Variants in THSD7B observed in about 807,000 individuals in gnomAD.
THSD7B encodes the protein thrombospondin type-1 domain-containing protein 7B.
In THSD7B, 138 loss-of-function variants were observed where a neutral mutation model predicts 213.6. That is an observed-to-expected ratio of 0.65 (90% confidence interval 0.56 to 0.74). The LOEUF (loss-of-function observed/expected upper bound fraction) is 0.74. Ranked by LOEUF, THSD7B falls within the 30% of genes least tolerant of loss-of-function variation. THSD7B has a pLI of 0.00. For missense variants in THSD7B, 1,931 were observed against 1,991.5 expected, an observed-to-expected ratio of 0.97 and a Z score of 0.58; for synonymous variants, 742 against 687.0, an observed-to-expected ratio of 1.08 and a Z score of -1.25.
intron 17 of THSD7B, among the ~76,000 whole-genome samples, chr2:137,583,435 T>A (rs370784817): frequency 6.6e-6 from 1 of 152,218 alleles, no homozygotes; most frequent in Non-Finnish European, 1.5e-5. Flanking sequence ...CTGAATGGTA[T>A]TGCCTAGGTT....
At chr2:137,139,330 A>G (rs1679534032) in intron 5 of THSD7B, among the ~76,000 whole-genome samples, 1 of 152,170 alleles carries the variant, frequency 6.6e-6, no homozygotes, top group Admixed American at 6.6e-5. Context: ...GAAATTCCTC[A>G]GCTAATAGAT....
At chr2:136,928,692 T>C (rs1321879100) in intron 2 of THSD7B, among the ~76,000 whole-genome samples, 1 of 152,236 alleles carries the variant, frequency 6.6e-6, no homozygotes, top group Non-Finnish European at 1.5e-5. Context: ...CATCTTATTT[T>C]AATTTGAGGA....
chr2:136,910,139 G>A (rs1573704938), intron 2 of THSD7B, among the ~76,000 whole-genome samples: 1 of 152,242 alleles, frequency 6.6e-6, no homozygotes, highest in East Asian at 1.9e-4. Context: ...CTCAGTCTAT[G>A]GAGTAACTCT....
At chr2:137,359,401 A>G (rs1685203973) in intron 12 of THSD7B, among the ~76,000 whole-genome samples, 1 of 152,218 alleles carries the variant, frequency 6.6e-6, no homozygotes. Flanking sequence ...TAAACTAGGC[A>G]CAAAAGAGTC....
At chr2:137,248,287 A>T (rs1209685999) in intron 10 of THSD7B, among the ~76,000 whole-genome samples, 1 of 152,070 alleles carries the variant, frequency 6.6e-6, no homozygotes, top group East Asian at 1.9e-4. Flanking sequence ...GTATTATGGC[A>T]CCTGTTTCTA....
intron 12 of THSD7B, among the ~76,000 whole-genome samples, chr2:137,365,545 G>GA (rs1335015606): frequency 1.3e-5 from 2 of 151,776 alleles, no homozygotes; most frequent in East Asian, 1.9e-4. Context: ...AAATTTACAA[G>GA]AAAAAATCAA....
chr2:136,889,704 T>G (rs1014427214), intron 2 of THSD7B, among the ~76,000 whole-genome samples: 5 of 152,192 alleles, frequency 3.3e-5, no homozygotes, highest in Admixed American at 3.3e-4. Context: ...ATTAATTTAT[T>G]CAAAGATTCA....
At chr2:137,092,412 C>CA (rs34289279) in intron 3 of THSD7B, among the ~76,000 whole-genome samples, 2 of 151,260 alleles carry the variant, frequency 1.3e-5, no homozygotes, top group African/African-American at 4.9e-5. Context: ...GATCCTGTCT[C>CA]AAAAAAATAA....
intron 14 of THSD7B, among the ~76,000 whole-genome samples, chr2:137,416,875 T>C (rs1686811831): frequency 6.6e-6 from 1 of 152,236 alleles, no homozygotes; most frequent in Admixed American, 6.5e-5. Context: ...GCAATGTTTT[T>C]GAAACAATGG....
intron 2 of THSD7B, among the ~76,000 whole-genome samples, chr2:136,907,602 G>C (rs1684186502): frequency 6.6e-6 from 1 of 152,112 alleles, no homozygotes; most frequent in Non-Finnish European, 1.5e-5. Flanking sequence ...CAATTAAACT[G>C]TTATTATGTT....
At chr2:137,614,672 T>C (rs1183642591) in intron 17 of THSD7B, among the ~76,000 whole-genome samples, 1 of 152,198 alleles carries the variant, frequency 6.6e-6, no homozygotes, top group Non-Finnish European at 1.5e-5. Flanking sequence ...ATTGCTTGGT[T>C]TCATGGGCCC....
chr2:136,947,934 G>T (rs1684971845), intron 2 of THSD7B, among the ~76,000 whole-genome samples: 1 of 152,272 alleles, frequency 6.6e-6, no homozygotes, highest in East Asian at 1.9e-4. Context: ...GCATGGGGGT[G>T]TCCTGCAGAC....
At chr2:137,526,015 G>T (rs1680270948) in intron 15 of THSD7B, among the ~76,000 whole-genome samples, 1 of 152,044 alleles carries the variant, frequency 6.6e-6, no homozygotes, top group Admixed American at 6.6e-5. Context: ...TTCAGCTGCA[G>T]ATATCTCACC....
chr2:137,035,808 G>T (rs982913979), intron 2 of THSD7B, among the ~76,000 whole-genome samples: 1 of 152,050 alleles, frequency 6.6e-6, no homozygotes, highest in East Asian at 1.9e-4. Flanking sequence ...TCAATGAAGG[G>T]CATCCCATAA....
At chr2:137,201,711 G>A (rs549863248) in intron 7 of THSD7B, among the ~76,000 whole-genome samples, 1 of 152,116 alleles carries the variant, frequency 6.6e-6, no homozygotes, top group Non-Finnish European at 1.5e-5. Flanking sequence ...CTCCAAAGTG[G>A]CTGTGCCAAT....
intron 20 of THSD7B, among the ~76,000 whole-genome samples, chr2:137,624,087 G>A (rs1013618079): frequency 3.1e-4 from 47 of 152,252 alleles, no homozygotes; most frequent in Non-Finnish European, 5.9e-4. Context: ...ATACTACAAG[G>A]CTACAGTAAC....
intron 6 of THSD7B, among the ~76,000 whole-genome samples, chr2:137,162,638 G>A (rs952138750): frequency 6.6e-6 from 1 of 152,102 alleles, no homozygotes; most frequent in Non-Finnish European, 1.5e-5. Context: ...CTGGGCCATG[G>A]ATTCTCTATG....
chr2:136,986,307 GT>G (rs1685671737), intron 2 of THSD7B, among the ~76,000 whole-genome samples: 1 of 152,164 alleles, frequency 6.6e-6, no homozygotes, highest in African/African-American at 2.4e-5. Flanking sequence ...CAAATCTCAT[GT>G]TGAAATTCCC....
chr2:136,781,275 T>G (rs1441822947), intron 1 of THSD7B, among the ~76,000 whole-genome samples: 1 of 149,864 alleles, frequency 6.7e-6, no homozygotes, highest in Non-Finnish European at 1.5e-5. Flanking sequence ...CTATTTTTTT[T>G]TTTTTTTTTG....
Sources: allele counts gnomAD v4.1 joint callset (sites outside exome capture counted in the v4.1 genomes callset), GRCh38; gene constraint gnomAD v4.1.1; transcripts MANE v1.5; gene names NCBI Gene and HGNC (gene_info 2026-07-23, HGNC 2026-07-21).